The following DLC1 variants were observed in gnomAD, a reference collection of about 807,000 sequenced individuals.
DLC1 encodes DLC1 Rho GTPase activating protein.
A neutral mutation model predicts 140.3 loss-of-function variants in DLC1; 54 were observed. The ratio of observed to expected loss-of-function variants is 0.38; its 90% confidence interval spans 0.31 to 0.48. The LOEUF (loss-of-function observed/expected upper bound fraction) is 0.48, where lower values mean the gene tolerates loss of function less well. Among genes scored for constraint, DLC1 ranks in the 20% least tolerant of loss-of-function variants. DLC1 has a pLI of 0.96. For missense variants in DLC1, 2,536 were observed against 1,907.0 expected, an observed-to-expected ratio of 1.33 and a Z score of -6.14; for synonymous variants, 986 against 728.1, an observed-to-expected ratio of 1.35 and a Z score of -5.70.
intron 2 of DLC1, among the ~76,000 whole-genome samples, chr8:13,462,697 C>T (rs942173603): frequency 7.2e-5 from 11 of 152,228 alleles, no homozygotes; most frequent in South Asian, 4.1e-4. Flanking sequence ...TGAGCCACCG[C>T]GCCCGGCCTA....
chr8:13,565,018 T>C (rs1482604187), intron 1 of DLC1, among the ~76,000 whole-genome samples: 1 of 152,204 alleles, frequency 6.6e-6, no homozygotes, highest in Admixed American at 6.5e-5. Flanking sequence ...ACTATTACTC[T>C]TCATATTTGT....
chr8:13,235,068 T>G (rs928647463), intron 5 of DLC1, among the ~76,000 whole-genome samples: 1 of 152,070 alleles, frequency 6.6e-6, no homozygotes, highest in African/African-American at 2.4e-5. Context: ...GCTGTTATCT[T>G]TTGGTGATTT....
chr8:13,187,991 T>A (rs1230931570), intron 5 of DLC1, among the ~76,000 whole-genome samples: 1 of 152,182 alleles, frequency 6.6e-6, no homozygotes. Flanking sequence ...GGAAAAGTAC[T>A]TGTAAAAATA....
At chr8:13,453,410 A>ATATATATATATATATATGTG (rs1563359552) in intron 2 of DLC1, among the ~76,000 whole-genome samples, 2 of 53,372 alleles carry the variant, frequency 3.7e-5, no homozygotes, top group African/African-American at 2.3e-4. Flanking sequence ...ATGTGTATAT[A>ATATATATATATATATATGTG]TATATATATA....
intron 2 of DLC1, among the ~76,000 whole-genome samples, chr8:13,485,743 A>T (rs1800941478): frequency 6.6e-6 from 1 of 152,202 alleles, no homozygotes; most frequent in Non-Finnish European, 1.5e-5. Flanking sequence ...CTCAATGGCC[A>T]GGCTTGAAGA....
chr8:13,516,531 C>A (rs1384951809), upstream of DLC1, among the ~76,000 whole-genome samples: 2 of 152,040 alleles, frequency 1.3e-5, no homozygotes, highest in Non-Finnish European at 2.9e-5. Flanking sequence ...AATCATGAAC[C>A]ATATTAGACC....
intron 1 of DLC1, 37 bp from the exon 2 acceptor site, chr8:13,500,233 A>G (rs1004123406): frequency 3.3e-6 from 2 of 602,806 alleles, no homozygotes; most frequent in Non-Finnish European, 5.6e-6. Context: ...AGTCGCAGAT[A>G]CGTTTCTAAA....
chr8:13,285,483 T>G (rs546366027), intron 5 of DLC1, among the ~76,000 whole-genome samples: 1 of 152,294 alleles, frequency 6.6e-6, no homozygotes, highest in African/African-American at 2.4e-5. Flanking sequence ...TCTGACCACA[T>G]TTTAACAAAT....
intron 5 of DLC1, among the ~76,000 whole-genome samples, chr8:13,261,782 T>C (rs903478273): frequency 3.3e-5 from 5 of 152,160 alleles, no homozygotes; most frequent in Non-Finnish European, 7.3e-5. Flanking sequence ...ACAAGTTTTG[T>C]TGGAAAGACA....
intron 1 of DLC1, among the ~76,000 whole-genome samples, chr8:13,539,930 A>C (rs551569811): frequency 6.6e-6 from 1 of 152,310 alleles, no homozygotes; most frequent in African/African-American, 2.4e-5. Flanking sequence ...AAGCTACAAA[A>C]CCTTTTCAAT....
chr8:13,183,897 C>T (rs1167549868), intron 5 of DLC1, among the ~76,000 whole-genome samples: 2 of 152,176 alleles, frequency 1.3e-5, no homozygotes, highest in African/African-American at 4.8e-5. Flanking sequence ...ATGGTACCAA[C>T]TCCTCCTTCT....
At chr8:13,280,287 C>CAAAAAAAA (rs55791933) in intron 5 of DLC1, among the ~76,000 whole-genome samples, 103 of 65,338 alleles carry the variant, frequency 1.6e-3, no homozygotes, top group Non-Finnish European at 1.9e-3. Flanking sequence ...GACTCCATCT[C>CAAAAAAAA]AAAAAAAAAA....
At chr8:13,550,327 C>A (rs1029527148) in intron 1 of DLC1, among the ~76,000 whole-genome samples, 1 of 152,088 alleles carries the variant, frequency 6.6e-6, no homozygotes, top group Non-Finnish European at 1.5e-5. Flanking sequence ...TCCCCTTTGT[C>A]TTCTGTCATA....
intron 5 of DLC1, among the ~76,000 whole-genome samples, chr8:13,206,510 A>G (rs976073621): frequency 6.6e-6 from 1 of 152,152 alleles, no homozygotes; most frequent in Admixed American, 6.6e-5. Flanking sequence ...AGAAAGACCA[A>G]TGAGGTGATA....
At chr8:13,300,775 C>T (rs533249532) in intron 5 of DLC1, among the ~76,000 whole-genome samples, 1 of 152,254 alleles carries the variant, frequency 6.6e-6, no homozygotes, top group African/African-American at 2.4e-5. Flanking sequence ...TACTCTGTGG[C>T]TAATAGAGAG....
At chr8:13,510,595 A>G (rs1343962573) in intron 1 of DLC1, among the ~76,000 whole-genome samples, 7 of 152,234 alleles carry the variant, frequency 4.6e-5, no homozygotes, top group Non-Finnish European at 7.3e-5. Context: ...CAAAGTAGTT[A>G]CGGGGCAAAC....
At chr8:13,349,832 G>A (rs1219551126) in intron 4 of DLC1, among the ~76,000 whole-genome samples, 2 of 152,176 alleles carry the variant, frequency 1.3e-5, no homozygotes, top group East Asian at 1.9e-4. Flanking sequence ...GGGGAGACAT[G>A]AGGAGGAAAA....
intron 5 of DLC1, among the ~76,000 whole-genome samples, chr8:13,188,801 G>GTGTATATATATATA (rs1293675412): frequency 5.6e-5 from 4 of 71,880 alleles, no homozygotes; most frequent in Non-Finnish European, 4.9e-5. Context: ...GTGTGTGTGT[G>GTGTATATATATATA]TATATATATA....
intron 2 of DLC1, among the ~76,000 whole-genome samples, chr8:13,451,492 C>T (rs1444035992): frequency 6.6e-6 from 1 of 152,022 alleles, no homozygotes; most frequent in Non-Finnish European, 1.5e-5. Context: ...ACTCCTTAAC[C>T]ATCCCCACAG....
Sources: allele counts gnomAD v4.1 joint callset (sites outside exome capture counted in the v4.1 genomes callset), GRCh38; gene constraint gnomAD v4.1.1; transcripts MANE v1.5; gene names NCBI Gene and HGNC (gene_info 2026-07-23, HGNC 2026-07-21).